ADAM12: variants seen among roughly 807,000 people sequenced by gnomAD.
ADAM12 encodes the protein ADAM metallopeptidase domain 12, also known as disintegrin and metalloproteinase domain-containing protein 12.
ADAM12 carries 70 observed loss-of-function variants against 106.4 expected under a neutral mutation model. The ratio of observed to expected loss-of-function variants is 0.66; its 90% confidence interval spans 0.54 to 0.80. The LOEUF is 0.80. Among genes scored for constraint, ADAM12 ranks in the 30% least tolerant of loss-of-function variants. ADAM12 has a pLI of 0.00. For missense variants in ADAM12, 1,010 were observed against 1,171.9 expected (o/e 0.86, Z 2.02); for synonymous variants, 420 against 433.5 (o/e 0.97, Z 0.39).
chr10:126,027,416 A>T (rs965172186), intron 21 of ADAM12, among the ~76,000 whole-genome samples: 7 of 83,872 alleles, frequency 8.3e-5, no homozygotes, highest in East Asian at 5.9e-4. Flanking sequence ...TGGGAGAGAT[A>T]AAAAAAAACC....
At chr10:126,113,519 G>A (rs12358077) in intron 6 of ADAM12, among the ~76,000 whole-genome samples, 1 of 147,410 alleles carries the variant, frequency 6.8e-6, no homozygotes, top group Admixed American at 6.7e-5. Flanking sequence ...AATTAGCCAG[G>A]TGTAGTGGTA....
chr10:126,345,752 G>A (rs1290133453), intron 1 of ADAM12, among the ~76,000 whole-genome samples: 1 of 152,166 alleles, frequency 6.6e-6, no homozygotes, highest in Non-Finnish European at 1.5e-5. Context: ...TTAGTCTTGG[G>A]AGGGTGTTTG....
At chr10:126,325,664 T>C (rs546475855) in intron 2 of ADAM12, among the ~76,000 whole-genome samples, 1 of 152,322 alleles carries the variant, frequency 6.6e-6, no homozygotes, top group Non-Finnish European at 1.5e-5. Context: ...TCCTGAAGTA[T>C]TCAAAGGCCG....
At chr10:126,075,228 C>T (rs1014234578) in intron 11 of ADAM12, among the ~76,000 whole-genome samples, 2 of 152,216 alleles carry the variant, frequency 1.3e-5, no homozygotes, top group Non-Finnish European at 2.9e-5. Flanking sequence ...TGTCATTACT[C>T]ATCCCATCCT....
At chr10:126,286,969 T>C (rs775208436) in intron 2 of ADAM12, among the ~76,000 whole-genome samples, 4 of 152,160 alleles carry the variant, frequency 2.6e-5, no homozygotes, top group South Asian at 2.1e-4. Flanking sequence ...TGCAGCATGA[T>C]AGAGTCTTGG....
At chr10:126,251,188 G>A (rs542230182) in intron 3 of ADAM12, among the ~76,000 whole-genome samples, 2 of 152,298 alleles carry the variant, frequency 1.3e-5, no homozygotes, top group East Asian at 3.9e-4. Context: ...CTTTTTCCAA[G>A]ATCCCCAAGT....
chr10:126,324,039 T>C (rs1341421079), intron 2 of ADAM12, among the ~76,000 whole-genome samples: 1 of 152,174 alleles, frequency 6.6e-6, no homozygotes, highest in African/African-American at 2.4e-5. Context: ...ACATGCTCCT[T>C]GGGGACCCAA....
chr10:126,266,072 T>C (rs1360027005), intron 3 of ADAM12, among the ~76,000 whole-genome samples: 1 of 152,108 alleles, frequency 6.6e-6, no homozygotes, highest in African/African-American at 2.4e-5. Flanking sequence ...TGCATGGTAA[T>C]TGTTGCACAC....
At chr10:126,206,860 C>CGGGGGGGGGG (rs907511503) in intron 3 of ADAM12, among the ~76,000 whole-genome samples, 1 of 97,834 alleles carries the variant, frequency 1.0e-5, no homozygotes, top group Non-Finnish European at 2.1e-5. Context: ...GTTGTGGGGG[C>CGGGGGGGGGG]GGGGGGGAGC....
chr10:126,039,117 G>A (rs1255186391), intron 19 of ADAM12, among the ~76,000 whole-genome samples, 177 bp downstream of exon 19: 2 of 151,566 alleles, frequency 1.3e-5, no homozygotes, highest in Non-Finnish European at 2.9e-5. Context: ...CCACCACCGC[G>A]CCCGGCTGAT....
chr10:126,356,035 T>C (rs560395312), intron 1 of ADAM12, among the ~76,000 whole-genome samples: 3 of 152,320 alleles, frequency 2.0e-5, no homozygotes, highest in African/African-American at 7.2e-5. Context: ...GAGCAAGAGC[T>C]AGTTCTGCAA....
At chr10:126,255,528 T>C (rs1177449729) in intron 3 of ADAM12, among the ~76,000 whole-genome samples, 2 of 152,196 alleles carry the variant, frequency 1.3e-5, no homozygotes, top group African/African-American at 4.8e-5. Context: ...ATGGCCATAC[T>C]ATTAAATTTT....
chr10:126,314,600 A>G (rs941318189), intron 2 of ADAM12, among the ~76,000 whole-genome samples: 2 of 152,190 alleles, frequency 1.3e-5, no homozygotes, highest in Admixed American at 1.3e-4. Context: ...CTGAGAGCCC[A>G]TTGTCTATAT....
chr10:126,111,655 A>G (rs1391518177), intron 6 of ADAM12, among the ~76,000 whole-genome samples: 3 of 152,216 alleles, frequency 2.0e-5, no homozygotes, highest in African/African-American at 7.2e-5. Flanking sequence ...CCATTTAGAA[A>G]ATACACAATT....
At chr10:126,283,463 T>C (rs993936145) in intron 2 of ADAM12, among the ~76,000 whole-genome samples, 2 of 152,214 alleles carry the variant, frequency 1.3e-5, no homozygotes, top group Non-Finnish European at 2.9e-5. Context: ...CATGAATATC[T>C]GGCAAAAATT....
intron 3 of ADAM12, among the ~76,000 whole-genome samples, chr10:126,195,918 A>T (rs1471562651): frequency 6.6e-6 from 1 of 152,192 alleles, no homozygotes; most frequent in Non-Finnish European, 1.5e-5. Context: ...TTCAAAGTAA[A>T]ACCCGATCAC....
chr10:126,041,236 A>T, intron 18 of ADAM12: 1 of 677,816 alleles, frequency 1.5e-6, no homozygotes, highest in African/African-American at 2.0e-5. Flanking sequence ...ACACACAAGT[A>T]CTTGTTTAAT....
At chr10:126,384,180 G>A (rs901389729) in intron 1 of ADAM12, among the ~76,000 whole-genome samples, 9 of 152,020 alleles carry the variant, frequency 5.9e-5, no homozygotes, top group African/African-American at 1.7e-4. Context: ...TTGGGTCCCC[G>A]ATCACATCAG....
intron 10 of ADAM12, 68 bp from the exon 11 acceptor site, chr10:126,094,201 T>C: frequency 2.7e-6 from 4 of 1,485,826 alleles, no homozygotes; most frequent in Non-Finnish European, 3.7e-6. Flanking sequence ...CAGGTCTCCC[T>C]CCCCACAGAA....
Sources: gnomAD v4.1 joint callset for allele counts (sites outside exome capture counted in the v4.1 genomes callset) on GRCh38, gnomAD v4.1.1 for gene constraint, MANE v1.5 for transcripts, NCBI Gene and HGNC (gene_info 2026-07-23, HGNC 2026-07-21) for gene names.